Variants in PTPRD observed in about 807,000 individuals in gnomAD.
PTPRD encodes the protein receptor-type tyrosine-protein phosphatase delta.
A neutral mutation model predicts 214.5 loss-of-function variants in PTPRD; 34 were observed. That is an observed-to-expected ratio of 0.16 (90% CI 0.12 to 0.21). The LOEUF is 0.21. Among genes scored for constraint, PTPRD ranks in the 10% least tolerant of loss-of-function variants. The probability of loss-of-function intolerance (pLI) is 1.00; values close to 1 mark genes in which losing one functional copy is unlikely to be tolerated. For synonymous variants in PTPRD, 1,128 were observed against 845.7 expected, an observed-to-expected ratio of 1.33 and a Z score of -5.79; for missense variants, 2,545 against 2,398.7, an observed-to-expected ratio of 1.06 and a Z score of -1.27.
At chr9:9,889,681 G>A (rs1351133951) in intron 5 of PTPRD, among the ~76,000 whole-genome samples, 2 of 152,040 alleles carry the variant, frequency 1.3e-5, no homozygotes, top group Non-Finnish European at 2.9e-5. Flanking sequence ...TTGCTGTCTG[G>A]CACTATATTA....
chr9:8,357,652 T>C lies in PTPRD; in HGVS notation c.4662-15674A>G, dbSNP rs550709387. The stretch of plus-strand genomic sequence containing the variant: ...AAGGAAAATGAAGTTTTTTTCTTAA[T>C]ACTAGGGACGCTATATGGTGCATCC... On this transcript the variant is annotated intron_variant, in intron 39 of 45. Transcript: ENST00000381196. Among the ~76,000 whole-genome samples the C allele has an allele frequency of 1.6e-4, 24 of 152,324 alleles. No homozygotes were observed. The South Asian group carries it at 4.8e-3, about 30-fold the overall frequency.
intron 2 of PTPRD, among the ~76,000 whole-genome samples, chr9:10,560,596 A>G: frequency 6.6e-6 from 1 of 152,182 alleles, no homozygotes; most frequent in East Asian, 1.9e-4. Flanking sequence ...AATTCAAATG[A>G]AGGTTGATGT....
At chr9:9,638,604 G>C (rs895643983) in intron 7 of PTPRD, among the ~76,000 whole-genome samples, 1 of 152,102 alleles carries the variant, frequency 6.6e-6, no homozygotes, top group African/African-American at 2.4e-5. Context: ...TAGCAAAGTA[G>C]ACTTCTTCCA....
intron 7 of PTPRD, among the ~76,000 whole-genome samples, chr9:9,588,918 G>A (rs369038077): frequency 1.3e-5 from 2 of 151,888 alleles, no homozygotes; most frequent in East Asian, 3.9e-4. Context: ...TGGAGAAACT[G>A]TGACTTAGAA....
intron 5 of PTPRD, among the ~76,000 whole-genome samples, chr9:9,840,214 T>G (rs568525783): frequency 6.6e-6 from 1 of 152,040 alleles, no homozygotes; most frequent in South Asian, 2.1e-4. Context: ...ATTTTTGCAT[T>G]TTTTGTAGAG....
chr9:10,279,880 C>A lies in PTPRD; in HGVS notation c.-545+61083G>T, dbSNP rs537666039. 4.0e-5 allele frequency among the ~76,000 whole-genome samples: 6 copies of A among 151,434 alleles called. No individual in the cohort carries two copies. In the South Asian group the frequency reaches 8.3e-4, roughly 21 times the overall value. On this transcript the variant is annotated intron_variant, in intron 3 of 45. Coordinates refer to ENST00000381196, the MANE Select transcript of PTPRD (RefSeq NM_002839.4). ...GCCCTTTTCTAGAAATATTTGTTATCCTCATTTATATAAATTCTTATCTTT... is the reference window on the plus strand; with the variant it reads ...GCCCTTTTCTAGAAATATTTGTTATACTCATTTATATAAATTCTTATCTTT...
chr9:9,963,589 A>G (rs1045774848), intron 4 of PTPRD, among the ~76,000 whole-genome samples: 2 of 152,164 alleles, frequency 1.3e-5, no homozygotes, highest in Non-Finnish European at 2.9e-5. Flanking sequence ...TTATTGTCAT[A>G]AAAAAGGCAG....
At chr9:8,897,163 C>A (rs1157156291) in intron 11 of PTPRD, among the ~76,000 whole-genome samples, 1 of 152,112 alleles carries the variant, frequency 6.6e-6, no homozygotes, top group African/African-American at 2.4e-5. Context: ...CAAAATCTAT[C>A]AATCAAGGAA....
intron 3 of PTPRD, among the ~76,000 whole-genome samples, chr9:10,328,646 A>G (rs1161026736): frequency 6.6e-6 from 1 of 151,802 alleles, no homozygotes; most frequent in East Asian, 1.9e-4. Flanking sequence ...TTATGCACCA[A>G]GAGAAAATAT....
At chr9:9,538,504 G>A (rs776681080) in intron 8 of PTPRD, among the ~76,000 whole-genome samples, 1 of 151,814 alleles carries the variant, frequency 6.6e-6, no homozygotes, top group Non-Finnish European at 1.5e-5. Flanking sequence ...TCTTTAAAAT[G>A]GCATGAGTCA....
At chr9:8,446,778 G>A (rs1341897028) in intron 34 of PTPRD, among the ~76,000 whole-genome samples, 1 of 152,154 alleles carries the variant, frequency 6.6e-6, no homozygotes, top group Non-Finnish European at 1.5e-5. Flanking sequence ...CACCTGTCAT[G>A]CAACACCTAA....
intron 11 of PTPRD, among the ~76,000 whole-genome samples, chr9:8,800,922 A>G (rs967200798): frequency 2.6e-5 from 4 of 152,154 alleles, no homozygotes; most frequent in African/African-American, 9.7e-5. Flanking sequence ...GATATTATAA[A>G]TGTAGGAGCT....
intron 9 of PTPRD, among the ~76,000 whole-genome samples, chr9:9,279,296 A>G (rs911315512): frequency 2.0e-5 from 3 of 148,748 alleles, no homozygotes; most frequent in African/African-American, 7.3e-5. Context: ...TGTTATATAT[A>G]TAATCATATA....
intron 3 of PTPRD, among the ~76,000 whole-genome samples, chr9:10,084,077 G>T (rs185892948): frequency 1.2e-4 from 18 of 151,958 alleles, no homozygotes; most frequent in Admixed American, 1.1e-3. Context: ...TAGAAACACA[G>T]TTAATAATAG....
intron 5 of PTPRD, among the ~76,000 whole-genome samples, chr9:9,874,727 G>C (rs140719093): frequency 1.2e-3 from 186 of 151,996 alleles, no homozygotes; most frequent in African/African-American, 4.1e-3. Context: ...AGCACAAGAC[G>C]GTCTCCCTAA....
chr9:10,005,565 T>G (rs2154098795), intron 4 of PTPRD, among the ~76,000 whole-genome samples: 1 of 152,236 alleles, frequency 6.6e-6, no homozygotes, highest in African/African-American at 2.4e-5. Context: ...CTTTATCTCC[T>G]TTCTTAATTC....
intron 5 of PTPRD, among the ~76,000 whole-genome samples, chr9:9,845,116 T>A (rs1464123422): frequency 1.7e-4 from 8 of 48,174 alleles, no homozygotes; most frequent in East Asian, 8.6e-3. Context: ...CTATATATAT[T>A]GCTCTATATA....
chr9:9,055,282 G>T (rs1415821935), intron 10 of PTPRD, among the ~76,000 whole-genome samples: 2 of 152,098 alleles, frequency 1.3e-5, no homozygotes, highest in African/African-American at 2.4e-5. Flanking sequence ...GAAAAATACT[G>T]AGAGTGGATA....
chr9:8,763,194 G>A (rs1322959167), intron 11 of PTPRD, among the ~76,000 whole-genome samples: 3 of 152,186 alleles, frequency 2.0e-5, no homozygotes, highest in Admixed American at 6.5e-5. Context: ...TGAGACAGTA[G>A]AGCAGACTAT....
Sources: gnomAD v4.1 joint callset for allele counts (sites outside exome capture counted in the v4.1 genomes callset) on GRCh38, gnomAD v4.1.1 for gene constraint, MANE v1.5 for transcripts, NCBI Gene and HGNC (gene_info 2026-07-23, HGNC 2026-07-21) for gene names.